KCNIP4: variants seen among roughly 807,000 people sequenced by gnomAD.
KCNIP4 encodes potassium voltage-gated channel interacting protein 4.
Under a neutral mutation model 34.0 loss-of-function variants are expected in KCNIP4, and 12 were observed. The ratio of observed to expected loss-of-function variants is 0.35; its 90% CI spans 0.23 to 0.57. KCNIP4 has a LOEUF of 0.57. Among genes scored for constraint, KCNIP4 ranks in the 20% least tolerant of loss-of-function variants. The pLI is 0.83. For missense variants in KCNIP4, 238 were observed against 311.7 expected (o/e 0.76, Z 1.78); for synonymous variants, 124 against 102.2 (o/e 1.21, Z -1.29).
At chr4:21,288,597 T>C (rs1763256106) in intron 1 of KCNIP4, among the ~76,000 whole-genome samples, 1 of 152,170 alleles carries the variant, frequency 6.6e-6, no homozygotes, top group African/African-American at 2.4e-5. Context: ...TATTATCTTC[T>C]TTTTACTGAT....
chr4:21,087,391 T>C (rs530405326), intron 1 of KCNIP4, among the ~76,000 whole-genome samples: 42 of 152,176 alleles, frequency 2.8e-4, no homozygotes, highest in African/African-American at 1.0e-3. Context: ...TTAGCCAGGA[T>C]AGTCTCAATC....
chr4:20,964,581 C>G (rs965032134), intron 1 of KCNIP4, among the ~76,000 whole-genome samples: 1 of 152,144 alleles, frequency 6.6e-6, no homozygotes, highest in Admixed American at 6.5e-5. Flanking sequence ...ATGATTTCCC[C>G]AGCTACTCAG....
intron 1 of KCNIP4, among the ~76,000 whole-genome samples, chr4:21,653,750 A>G (rs1452365974): frequency 6.6e-6 from 1 of 152,216 alleles, no homozygotes. Context: ...AGGAAGTATT[A>G]TTATAAGCAC....
chr4:20,946,791 A>G (rs78951333), intron 1 of KCNIP4, among the ~76,000 whole-genome samples: 94 of 152,258 alleles, frequency 6.2e-4, no homozygotes, highest in African/African-American at 2.2e-3. Flanking sequence ...ACCTATTCCA[A>G]TCTAATAAAA....
chr4:21,815,687 T>C (rs1212630545), intron 1 of KCNIP4, among the ~76,000 whole-genome samples: 1 of 152,164 alleles, frequency 6.6e-6, no homozygotes, highest in Non-Finnish European at 1.5e-5. Context: ...AATTATCCTG[T>C]TTGTGAAGCT....
intron 3 of KCNIP4, among the ~76,000 whole-genome samples, chr4:20,841,410 T>C (rs4696967): frequency 0.39 from 59,210 of 152,010 alleles, 12,062 homozygotes; most frequent in Non-Finnish European, 0.46. Context: ...ATAAGCACTA[T>C]GATGGGAGCA....
intron 1 of KCNIP4, among the ~76,000 whole-genome samples, chr4:21,743,648 G>T (rs577336881): frequency 6.6e-6 from 1 of 150,522 alleles, no homozygotes; most frequent in Non-Finnish European, 1.5e-5. Flanking sequence ...TTTTTTGTAG[G>T]GGGAGGGGGG....
chr4:20,977,825 T>C (rs770639638), intron 1 of KCNIP4, among the ~76,000 whole-genome samples: 1 of 152,240 alleles, frequency 6.6e-6, no homozygotes, highest in Non-Finnish European at 1.5e-5. Context: ...ATGTCACTTA[T>C]CTTTTTGCAG....
intron 1 of KCNIP4, among the ~76,000 whole-genome samples, chr4:21,352,120 C>T (rs189600640): frequency 6.6e-6 from 1 of 152,192 alleles, no homozygotes; most frequent in African/African-American, 2.4e-5. Flanking sequence ...GTTTTATTGC[C>T]TAACAGCACT....
At chr4:21,042,570 G>A (rs893745406) in intron 1 of KCNIP4, among the ~76,000 whole-genome samples, 22 of 152,106 alleles carry the variant, frequency 1.4e-4, no homozygotes, top group Admixed American at 3.9e-4. Context: ...TTGGTCAATG[G>A]CTACGAAGCT....
intron 1 of KCNIP4, among the ~76,000 whole-genome samples, chr4:21,301,608 C>T (rs775624490): frequency 2.6e-5 from 4 of 151,986 alleles, no homozygotes; most frequent in Admixed American, 6.6e-5. Flanking sequence ...GAAAAGAAAT[C>T]GGAATGAAAT....
intron 1 of KCNIP4, among the ~76,000 whole-genome samples, chr4:21,612,701 A>T (rs1214955816): frequency 6.6e-6 from 1 of 152,228 alleles, no homozygotes; most frequent in Non-Finnish European, 1.5e-5. Context: ...AGAAATGGAC[A>T]CGCAAAATCA....
intron 1 of KCNIP4, among the ~76,000 whole-genome samples, chr4:21,111,710 A>C (rs1749184938): frequency 6.6e-6 from 1 of 152,102 alleles, no homozygotes. Context: ...GCTGCCTTGG[A>C]GTAGGGGTCA....
Position 21,493,734 on chromosome 4 carries a change from G to A in KCNIP4, c.61+454837C>T, listed in dbSNP as rs1732607342. On this transcript the variant is annotated intron_variant, in intron 1 of 8. Transcript: ENST00000382152. ...ACAACTTTCCAATCTACAGAGGGCA[G>A]GAGAAAGGCCAAGGGTCTGCCTCAG... Among the ~76,000 whole-genome samples, 9 of 152,282 alleles carry A rather than the reference G, an allele frequency of 5.9e-5. No homozygotes were observed. In the South Asian group the frequency reaches 1.7e-3, roughly 28 times the overall value.
chr4:20,838,101 G>A (rs1015576982), intron 3 of KCNIP4, among the ~76,000 whole-genome samples: 1 of 152,146 alleles, frequency 6.6e-6, no homozygotes, highest in Non-Finnish European at 1.5e-5. Context: ...TGGGCTCTGT[G>A]CTGTGAAGAC....
At chr4:20,857,558 TAA>T (rs566886703) in intron 2 of KCNIP4, among the ~76,000 whole-genome samples, 119 of 140,560 alleles carry the variant, frequency 8.5e-4, no homozygotes, top group Non-Finnish European at 1.4e-3. Context: ...TATATATACA[TAA>T]AAACATAACA....
chr4:20,860,359 A>T (rs1224410756), intron 2 of KCNIP4, among the ~76,000 whole-genome samples: 1 of 152,140 alleles, frequency 6.6e-6, no homozygotes, highest in East Asian at 1.9e-4. Flanking sequence ...GCTGGTCTCA[A>T]ACTCTTAACC....
At chr4:21,045,438 T>A (rs1742348687) in intron 1 of KCNIP4, among the ~76,000 whole-genome samples, 1 of 152,260 alleles carries the variant, frequency 6.6e-6, no homozygotes, top group Admixed American at 6.5e-5. Flanking sequence ...ATCTCCGTGA[T>A]CTGCTTTGTT....
At chr4:21,730,446 T>G (rs982137804) in intron 1 of KCNIP4, among the ~76,000 whole-genome samples, 3 of 152,108 alleles carry the variant, frequency 2.0e-5, no homozygotes, top group Non-Finnish European at 4.4e-5. Context: ...TGCTCAGGAA[T>G]GAATGACAGC....
Sources: allele counts gnomAD v4.1 joint callset (sites outside exome capture counted in the v4.1 genomes callset), GRCh38; gene constraint gnomAD v4.1.1; transcripts MANE v1.5; gene names NCBI Gene and HGNC (gene_info 2026-07-23, HGNC 2026-07-21).